NRP2: variants seen among roughly 807,000 people sequenced by gnomAD.
The protein encoded by NRP2 is neuropilin 2.
In NRP2, 52 loss-of-function variants were observed where a neutral mutation model predicts 110.4. The ratio of observed to expected loss-of-function variants is 0.47; its 90% confidence interval spans 0.38 to 0.59. NRP2 has a LOEUF of 0.59. Ranked by LOEUF, NRP2 falls within the 20% of genes least tolerant of loss-of-function variation. NRP2 has a pLI of 0.00. For missense variants in NRP2, 1,049 were observed against 1,203.0 expected (o/e 0.87, Z 1.89); for synonymous variants, 508 against 468.9 (o/e 1.08, Z -1.08).
chr2:205,703,954 C>A (rs956668597), intron 2 of NRP2, among the ~76,000 whole-genome samples: 1 of 152,164 alleles, frequency 6.6e-6, no homozygotes, highest in African/African-American at 2.4e-5. Flanking sequence ...GGCCAGACAA[C>A]TTCCACCATC....
rs190210765 is a variant in NRP2, at chr2:205,763,137, A to C, written c.2045-537A>C. On this transcript the variant is annotated intron_variant, in intron 12 of 16. Coordinates refer to ENST00000357785, the MANE Select transcript of NRP2 (RefSeq NM_003872.3). This position sits in a 1 kb window ranked among gnomAD's most constrained non-coding sequence, Gnocchi z 4.0. ...GCATCATCTAGGAGCACTGATGGAG[A>C]CAGAAGGTTTTAAATGTCAGCCATT... 6.6e-6 allele frequency among the ~76,000 whole-genome samples: 1 copy of C among 152,222 alleles called. No individual in the cohort carries two copies. The highest frequency in any genetic ancestry group is 1.9e-4 in the East Asian group (1 of 5,168).
chr2:205,789,422 T>A (rs1177571677), intron 15 of NRP2, among the ~76,000 whole-genome samples: 1 of 152,070 alleles, frequency 6.6e-6, no homozygotes, highest in Non-Finnish European at 1.5e-5. Context: ...CCCTAGCCCA[T>A]CTCACACTCA....
At chr2:205,740,468 T>G in intron 7 of NRP2, 51 bp from the exon 8 acceptor site, 1 of 1,609,848 alleles carries the variant, frequency 6.2e-7, no homozygotes, top group Non-Finnish European at 8.5e-7. Flanking sequence ...CTCAAGTGGC[T>G]GAACTACAAA....
At chr2:205,690,494 G>T (rs1484799419) in intron 1 of NRP2, among the ~76,000 whole-genome samples, 1 of 151,854 alleles carries the variant, frequency 6.6e-6, no homozygotes, top group East Asian at 1.9e-4. Context: ...CCAGCACTTT[G>T]GGAGGAGGAG....
At chr2:205,726,392 T>A (rs750967234) in intron 6 of NRP2, among the ~76,000 whole-genome samples, 2 of 152,164 alleles carry the variant, frequency 1.3e-5, no homozygotes, top group African/African-American at 2.4e-5. Context: ...TGTTTGGATC[T>A]TCCTCATTCT....
Position 205,795,100 on chromosome 2 carries a change from G to C in NRP2, c.*42G>C. On this transcript the variant is annotated 3_prime_UTR_variant, in exon 17 of 17. Transcript: ENST00000357785. ...CCTATCTGACGTTTCATTCCAGCAA[G>C]AGGGGCTGGGGAAGATTACATTTTT... 1 of 1,566,208 alleles carries C rather than the reference G, an allele frequency of 6.4e-7. No individual in the cohort carries two copies.
chr2:205,730,974 C>T (rs150132650), intron 7 of NRP2, among the ~76,000 whole-genome samples: 121 of 152,342 alleles, frequency 7.9e-4, no homozygotes, highest in African/African-American at 2.7e-3. Flanking sequence ...ATCATGAGGT[C>T]GCCTATGAGA....
At chr2:205,782,473 T>C (rs2058186009) in intron 15 of NRP2, among the ~76,000 whole-genome samples, 1 of 152,108 alleles carries the variant, frequency 6.6e-6, no homozygotes, top group Admixed American at 6.5e-5. Flanking sequence ...AAAAGTGCAA[T>C]AATACAGAAA....
intron 15 of NRP2, among the ~76,000 whole-genome samples, chr2:205,787,194 A>C (rs991520609): frequency 6.6e-6 from 1 of 152,148 alleles, no homozygotes; most frequent in African/African-American, 2.4e-5. Context: ...CTGACACCTG[A>C]GGCAGAACCA....
chr2:205,743,414 C>T lies in NRP2; in HGVS notation c.1503C>T (p.Val501=). Residue 501 remains valine (V), a synonymous_variant, in exon 9 of 17, where the codon GTC becomes GTT. Transcript: ENST00000357785. ...GAACACCCAAGACAGTGAAAGGTGT[C>T]ATCATCCAGGGAGCCCGCGGAGGAG... ...DLGTPKTVKG[V]IIQGARGGDS... 6.2e-7 allele frequency: 1 copy of T among 1,614,230 alleles called. No homozygotes were observed. Among genetic ancestry groups the T allele is most frequent in the Non-Finnish European group, 8.5e-7 (1 of 1,180,048 alleles).
At chr2:205,701,432 T>C (rs566655223) in intron 2 of NRP2, 1 of 150,966 alleles carries the variant, frequency 6.6e-6, no homozygotes, top group Admixed American at 6.6e-5. Flanking sequence ...TCAGCTACTC[T>C]GGAGGCTGAG....
intron 11 of NRP2, among the ~76,000 whole-genome samples, chr2:205,751,011 G>A (rs951957136): frequency 6.6e-6 from 1 of 152,160 alleles, no homozygotes; most frequent in Admixed American, 6.5e-5. Context: ...ACTGTTGGTC[G>A]GGGTTAGTTG....
chr2:205,753,037 C>T, intron 12 of NRP2, 62 bp downstream of exon 12: 1 of 1,597,734 alleles, frequency 6.3e-7, no homozygotes, highest in Non-Finnish European at 8.6e-7. Flanking sequence ...CATACTTCAA[C>T]CCCAGATTCC....
At chr2:205,791,902 G>A (rs2058306154) in intron 15 of NRP2, among the ~76,000 whole-genome samples, 1 of 152,204 alleles carries the variant, frequency 6.6e-6, no homozygotes, top group Non-Finnish European at 1.5e-5. Flanking sequence ...GGCAGCTGCT[G>A]TTGGGCATAA....
chr2:205,729,550 G>A (rs913262949), intron 7 of NRP2, among the ~76,000 whole-genome samples: 5 of 152,188 alleles, frequency 3.3e-5, no homozygotes, highest in African/African-American at 9.7e-5. Context: ...AAGCCAGGCA[G>A]GGGTGGTCCC....
intron 1 of NRP2, among the ~76,000 whole-genome samples, chr2:205,685,375 C>G (rs1171491510): frequency 1.3e-5 from 2 of 151,112 alleles, no homozygotes; most frequent in African/African-American, 4.9e-5. Context: ...CACTGGCACC[C>G]TGGGAGCCGG....
At chr2:205,790,245 G>A (rs1277218253) in intron 15 of NRP2, among the ~76,000 whole-genome samples, 1 of 152,124 alleles carries the variant, frequency 6.6e-6, no homozygotes, top group Non-Finnish European at 1.5e-5. Flanking sequence ...ATCTCATCCA[G>A]TCCTCAACCT....
Position 205,767,101 on chromosome 2 carries a change from A to G in NRP2, c.2425+298A>G, listed in dbSNP as rs971500692. 6.1e-6 allele frequency: 3 copies of G among 490,834 alleles called. No individual in the cohort carries two copies. In the Admixed American group the frequency reaches 1.1e-4, roughly 18 times the overall value. The allele number at this position is 490,834 out of a possible 1,614,324, so 30.4% of individuals were successfully genotyped here. A position where few individuals can be genotyped will look rare whatever the true frequency, so the allele number is the denominator to read the frequency against. On this transcript the variant is annotated intron_variant, in intron 15 of 16. Coordinates refer to ENST00000357785, the MANE Select transcript of NRP2 (RefSeq NM_003872.3). The stretch of plus-strand genomic sequence containing the variant: ...TCCAACGGGGAGCAATGAGGCTGAA[A>G]ATGCAGGGGTGGTGAGAAAGGAGAG...
chr2:205,739,302 T>C (rs1483025338), intron 7 of NRP2, among the ~76,000 whole-genome samples: 1 of 152,220 alleles, frequency 6.6e-6, no homozygotes. Context: ...GAGCCTCAGT[T>C]TCCTTATCCA....
Sources: allele counts gnomAD v4.1 joint callset (sites outside exome capture counted in the v4.1 genomes callset), GRCh38; gene constraint gnomAD v4.1.1; non-coding constraint Gnocchi (gnomAD v3.1); transcripts MANE v1.5; gene names NCBI Gene and HGNC (gene_info 2026-07-23, HGNC 2026-07-21).